PCDH15: variants seen among roughly 807,000 people sequenced by gnomAD.
The protein encoded by PCDH15 is protocadherin related 15.
PCDH15 carries 129 observed loss-of-function variants against 178.5 expected under a neutral mutation model. The ratio of observed to expected loss-of-function variants is 0.72; its 90% confidence interval spans 0.63 to 0.84. PCDH15 has a LOEUF of 0.84. Ranked by LOEUF, PCDH15 falls within the 40% of genes least tolerant of loss-of-function variation. The pLI is 0.00. For synonymous variants in PCDH15, 800 were observed against 732.0 expected (o/e 1.09, Z -1.50); for missense variants, 2,230 against 2,099.9 (o/e 1.06, Z -1.21).
rs1260417945 is a variant in PCDH15, at chr10:55,120,874, G to A, written c.-80+45702C>T. On this transcript the variant is annotated intron_variant, in intron 2 of 5. Transcript: ENST00000458638. ...CTCTGTAGGTGCATAGAGTACAAAA[G>A]CTGTGGAGGCATGGCTTTTTCCATC... Among the ~76,000 whole-genome samples the A allele has an allele frequency of 2.0e-5, 3 of 152,172 alleles. No homozygotes were observed. The East Asian group carries it at 5.8e-4, about 29-fold the overall frequency.
chr10:54,860,516 T>C (rs1591748179), intron 3 of PCDH15, among the ~76,000 whole-genome samples: 1 of 152,202 alleles, frequency 6.6e-6, no homozygotes, highest in African/African-American at 2.4e-5. Flanking sequence ...TATTCCATGG[T>C]ATAGATGTAC....
chr10:55,461,884 T>C (rs1439018483), intron 2 of PCDH15, among the ~76,000 whole-genome samples: 1 of 152,060 alleles, frequency 6.6e-6, no homozygotes, highest in Non-Finnish European at 1.5e-5. Flanking sequence ...ATTCATCTGG[T>C]TGAAATTACT....
At chr10:53,822,760 G>C (rs1253669447) in intron 32 of PCDH15, 2 of 1,613,986 alleles carry the variant, frequency 1.2e-6, no homozygotes. Context: ...TCTGAAGAGA[G>C]AGATTTCAAC....
At chr10:54,003,392 C>A (rs2092254933) in intron 20 of PCDH15, among the ~76,000 whole-genome samples, 1 of 151,686 alleles carries the variant, frequency 6.6e-6, no homozygotes, top group African/African-American at 2.4e-5. Flanking sequence ...AGAGAGAAGA[C>A]CCAAATAAAT....
In PCDH15 at chr10:55,172,639, A is replaced by G. The variant is rs1839369464; in HGVS notation, c.-155-5988T>C. 3.3e-5 allele frequency among the ~76,000 whole-genome samples: 5 copies of G among 152,064 alleles called. No homozygotes were observed. The South Asian group carries it at 1.0e-3, about 31-fold the overall frequency. ...ATTATTTTTGGCATACTTCAAGAGT[A>G]TGTATTTAGTCATTACATTTTCCTG... is the stretch of plus-strand genomic sequence containing the variant. On this transcript the variant is annotated intron_variant, in intron 1 of 5. Coordinates refer to the PCDH15 transcript ENST00000458638.
intron 3 of PCDH15, among the ~76,000 whole-genome samples, chr10:54,834,275 C>T (rs762601103): frequency 5.3e-5 from 8 of 151,680 alleles, no homozygotes; most frequent in Non-Finnish European, 1.0e-4. Flanking sequence ...CTGCAACCTC[C>T]GCCTCCCAGG....
At chr10:54,320,802 T>G (rs1408928930) in intron 7 of PCDH15, among the ~76,000 whole-genome samples, 4 of 151,894 alleles carry the variant, frequency 2.6e-5, no homozygotes, top group African/African-American at 9.7e-5. Flanking sequence ...CATCCCATTA[T>G]TAAGAGAGTC....
At chr10:54,677,762 T>C (rs1181635701) in intron 1 of PCDH15, among the ~76,000 whole-genome samples, 1 of 152,182 alleles carries the variant, frequency 6.6e-6, no homozygotes, top group African/African-American at 2.4e-5. Context: ...TAAACTATTT[T>C]CTAGTGTATA....
chr10:55,119,043 CT>C (rs1282953371), intron 2 of PCDH15, among the ~76,000 whole-genome samples: 3 of 152,170 alleles, frequency 2.0e-5, no homozygotes, highest in African/African-American at 7.2e-5. Context: ...GGCCCTGCAC[CT>C]GGCACGTCTC....
intron 9 of PCDH15, among the ~76,000 whole-genome samples, chr10:54,225,074 C>T (rs1455714784): frequency 1.1e-4 from 17 of 151,868 alleles, no homozygotes; most frequent in African/African-American, 3.9e-4. Context: ...AAATCTTTAC[C>T]AAAGATTTTA....
Position 54,056,562 on chromosome 10 carries a change from C to T in PCDH15, c.2220+10195G>A, listed in dbSNP as rs558996170. Among the ~76,000 whole-genome samples the T allele has an allele frequency of 3.3e-5, 5 of 152,178 alleles. No individual in the cohort carries two copies. In the South Asian group the frequency reaches 6.2e-4, roughly 19 times the overall value. On this transcript the variant is annotated intron_variant, in intron 18 of 37. Transcript: ENST00000644397. ...CATGAGAACAGTGTGGGGAAAACTG[C>T]CCCCATGATTCAATTATCTTCACCT...
At chr10:55,023,542 C>T (rs1205213936) in intron 2 of PCDH15, among the ~76,000 whole-genome samples, 2 of 151,816 alleles carry the variant, frequency 1.3e-5, no homozygotes, top group African/African-American at 4.8e-5. Context: ...AATTCTAGAT[C>T]GACTATTAAT....
chr10:53,820,465 T>TG (rs2076219603), intron 32 of PCDH15, among the ~76,000 whole-genome samples: 1 of 152,050 alleles, frequency 6.6e-6, no homozygotes, highest in Non-Finnish European at 1.5e-5. Context: ...TCTCAACTTA[T>TG]ATTCATATAC....
At chr10:54,345,801 CAAAAAAAAAAAAAAAAAAAAAA>C in intron 6 of PCDH15, among the ~76,000 whole-genome samples, 1 of 52,462 alleles carries the variant, frequency 1.9e-5, no homozygotes, top group South Asian at 1.7e-3. Flanking sequence ...GACTCCGTCT[CAAAAAAAAAAAAAAAAAAAAAA>C]AAAAAAAAAA....
intron 2 of PCDH15, among the ~76,000 whole-genome samples, chr10:55,091,928 T>C (rs1370336986): frequency 6.6e-6 from 1 of 150,526 alleles, no homozygotes; most frequent in Non-Finnish European, 1.5e-5. Flanking sequence ...TGTGAGTGCA[T>C]GCCAGAAACT....
At chr10:54,291,820 C>A (rs1446090511) in intron 8 of PCDH15, among the ~76,000 whole-genome samples, 1 of 152,100 alleles carries the variant, frequency 6.6e-6, no homozygotes, top group Non-Finnish European at 1.5e-5. Context: ...GAAATTGAGG[C>A]AATAATTAAT....
intron 2 of PCDH15, chr10:55,166,441 T>G (rs1029323305): frequency 1.3e-5 from 2 of 152,186 alleles, no homozygotes; most frequent in South Asian, 4.1e-4. Flanking sequence ...TATATCTGCT[T>G]AAAGACATTG....
At chr10:55,073,353 T>A (rs937315496) in intron 2 of PCDH15, among the ~76,000 whole-genome samples, 2 of 152,012 alleles carry the variant, frequency 1.3e-5, no homozygotes, top group African/African-American at 4.8e-5. Context: ...GAAAACCCCA[T>A]TGTCTCAGCC....
intron 25 of PCDH15, among the ~76,000 whole-genome samples, chr10:53,905,520 A>G (rs532787376): frequency 9.9e-4 from 151 of 151,996 alleles, no homozygotes; most frequent in African/African-American, 3.5e-3. Context: ...TTTTTTTAGT[A>G]GAGACGGGAT....
Sources: gnomAD v4.1 joint callset for allele counts (sites outside exome capture counted in the v4.1 genomes callset) on GRCh38, gnomAD v4.1.1 for gene constraint, MANE v1.5 for transcripts, NCBI Gene and HGNC (gene_info 2026-07-23, HGNC 2026-07-21) for gene names.